The following RAPH1 variants were observed in gnomAD, a reference collection of about 807,000 sequenced individuals.
RAPH1 encodes Ras association (RalGDS/AF-6) and pleckstrin homology domains 1, also known as ras-associated and pleckstrin homology domains-containing protein 1.
RAPH1 carries 18 observed loss-of-function variants against 88.1 expected under a neutral mutation model. That is an observed-to-expected ratio of 0.20 (90% CI 0.14 to 0.30). The LOEUF (loss-of-function observed/expected upper bound fraction) is 0.30, where lower values mean the gene tolerates loss of function less well. RAPH1 is among the 10% of genes least tolerant of loss of function. The pLI is 1.00. For synonymous variants in RAPH1, 587 were observed against 559.0 expected (o/e 1.05, Z -0.71); for missense variants, 1,448 against 1,543.2 (o/e 0.94, Z 1.03).
At chr2:203,506,457 G>A (rs1235145115) in intron 1 of RAPH1, among the ~76,000 whole-genome samples, 1 of 151,740 alleles carries the variant, frequency 6.6e-6, no homozygotes, top group Non-Finnish European at 1.5e-5. Flanking sequence ...ATGAGATCTT[G>A]CAGTGAGCAG....
rs2153636528 is a variant in RAPH1, at chr2:203,448,167, T to C, written c.1513-88A>G. The C allele has an allele frequency of 3.1e-6, 4 of 1,277,182 alleles. No homozygotes were observed. Among genetic ancestry groups the C allele is most frequent in the Non-Finnish European group, 4.4e-6 (4 of 907,432 alleles). The allele number at this position is 1,277,182 out of a possible 1,614,324, so 79.1% of individuals were successfully genotyped here. A position where few individuals can be genotyped will look rare whatever the true frequency, so the allele number is the denominator to read the frequency against. On this transcript the variant is annotated intron_variant, in intron 11 of 13. Transcript: ENST00000319170. The surrounding 1 kb of genome is among the most constrained non-coding windows in gnomAD (Gnocchi z 4.1). Reference sequence around the variant, plus strand: ...GTGAAATGGGGGACATATTTCTGTTTACTGATTGATGGTCTGTATTAAAAT... The same window carrying C: ...GTGAAATGGGGGACATATTTCTGTTCACTGATTGATGGTCTGTATTAAAAT...
At chr2:203,469,517 A>G (rs1368791845) in intron 4 of RAPH1, among the ~76,000 whole-genome samples, 1 of 152,238 alleles carries the variant, frequency 6.6e-6, no homozygotes. Context: ...GACATTACCC[A>G]TAACTGTATA....
intron 12 of RAPH1, chr2:203,446,131 C>T (rs1183350449): frequency 2.6e-5 from 4 of 152,194 alleles, no homozygotes; most frequent in African/African-American, 9.7e-5. Flanking sequence ...TGATCCAGGA[C>T]ACCACGTCAC....
At chr2:203,531,320 G>A (rs1443809139) in intron 1 of RAPH1, among the ~76,000 whole-genome samples, 1 of 152,112 alleles carries the variant, frequency 6.6e-6, no homozygotes, top group African/African-American at 2.4e-5. Flanking sequence ...CGAGTCAATG[G>A]GGGCAGCAAA....
At chr2:203,481,155 G>A (rs1453712905) in intron 4 of RAPH1, among the ~76,000 whole-genome samples, 1 of 152,014 alleles carries the variant, frequency 6.6e-6, no homozygotes, top group Non-Finnish European at 1.5e-5. Context: ...TTTCTCTCCT[G>A]CCCATGTAGT....
chr2:203,515,519 C>T (rs986330060), intron 1 of RAPH1, among the ~76,000 whole-genome samples: 1 of 152,110 alleles, frequency 6.6e-6, no homozygotes, highest in African/African-American at 2.4e-5. Context: ...AAGCTGGTGT[C>T]TTTTATTGTA....
At chr2:203,507,855 G>A (rs1310383089) in intron 1 of RAPH1, among the ~76,000 whole-genome samples, 1 of 152,132 alleles carries the variant, frequency 6.6e-6, no homozygotes, top group Admixed American at 6.6e-5. Flanking sequence ...TTGAATCAAT[G>A]TTACATTTCC....
In RAPH1 at chr2:203,439,024, C is replaced by T. The variant is rs751080384; in HGVS notation, c.*413G>A. On this transcript the variant is annotated 3_prime_UTR_variant, in exon 14 of 14. Coordinates refer to ENST00000319170, the MANE Select transcript of RAPH1 (RefSeq NM_213589.3). ...TTAGTTATATAATACACAACATGCA[C>T]GAATAGGCTACACATGGACAGACAC... 6.6e-5 allele frequency: 11 copies of T among 167,446 alleles called. No homozygotes were observed. The highest frequency in any genetic ancestry group is 1.3e-4 in the Non-Finnish European group (10 of 75,826). The allele number at this position is 167,446 out of a possible 1,614,324, so 10.4% of individuals were successfully genotyped here.
chr2:203,506,075 C>T (rs1424397383), intron 1 of RAPH1, among the ~76,000 whole-genome samples: 1 of 152,124 alleles, frequency 6.6e-6, no homozygotes, highest in Non-Finnish European at 1.5e-5. Flanking sequence ...CCTACCTATT[C>T]CCCTACCAGA....
intron 1 of RAPH1, among the ~76,000 whole-genome samples, chr2:203,495,839 A>C (rs866258190): frequency 6.6e-6 from 1 of 152,198 alleles, no homozygotes; most frequent in Non-Finnish European, 1.5e-5. Context: ...AAATTTGACA[A>C]AACAAAAATC....
chr2:203,512,208 C>T (rs1340091540), intron 1 of RAPH1, among the ~76,000 whole-genome samples: 1 of 151,474 alleles, frequency 6.6e-6, no homozygotes, highest in Non-Finnish European at 1.5e-5. Flanking sequence ...GCAGGCGGAC[C>T]ACTTGAGGTC....
chr2:203,534,611 A>G (rs750018781), intron 1 of RAPH1, among the ~76,000 whole-genome samples: 24 of 148,996 alleles, frequency 1.6e-4, no homozygotes, highest in Admixed American at 4.1e-4. Context: ...GCAATTACTT[A>G]TCCTGTTTAA....
intron 4 of RAPH1, among the ~76,000 whole-genome samples, chr2:203,474,076 C>T (rs532189179): frequency 5.3e-4 from 81 of 152,220 alleles, no homozygotes; most frequent in African/African-American, 1.8e-3. Context: ...AAATTAGCGG[C>T]TTAATAAAGT....
chr2:203,474,043 C>T (rs928157218), intron 4 of RAPH1, among the ~76,000 whole-genome samples: 2 of 152,114 alleles, frequency 1.3e-5, no homozygotes, highest in African/African-American at 4.8e-5. Context: ...GGTAGGTGAG[C>T]AAGGAGACGG....
At chr2:203,505,510 G>A (rs1161491996) in intron 1 of RAPH1, among the ~76,000 whole-genome samples, 1 of 151,964 alleles carries the variant, frequency 6.6e-6, no homozygotes, top group Non-Finnish European at 1.5e-5. Context: ...GATTTGGGTG[G>A]GGACACAGCC....
At chr2:203,475,503 T>A (rs1403653365) in intron 4 of RAPH1, among the ~76,000 whole-genome samples, 2 of 152,210 alleles carry the variant, frequency 1.3e-5, no homozygotes, top group Non-Finnish European at 2.9e-5. Flanking sequence ...TCATCCCACA[T>A]TATAACACTG....
At chr2:203,445,288 C>T in intron 12 of RAPH1, 1 of 312,906 alleles carries the variant, frequency 3.2e-6, no homozygotes, top group East Asian at 5.7e-5. Context: ...ATCCTGACAC[C>T]CAGTCTTGCA....
chr2:203,455,641 G>C lies in RAPH1; in HGVS notation c.1159-61C>G, dbSNP rs1281731004. The C allele has an allele frequency of 7.3e-6, 11 of 1,502,044 alleles. No homozygotes were observed. The South Asian group carries it at 1.2e-4, about 16-fold the overall frequency. 93.0% of individuals were successfully genotyped at this position (1,502,044 alleles called of 1,614,324 possible). A position where few individuals can be genotyped will look rare whatever the true frequency, so the allele number is the denominator to read the frequency against. The stretch of plus-strand genomic sequence containing the variant: ...CGTTGGATTCTCAGAACAAAGTTGT[G>C]TTTACTCCTGTGAAATGCATGACAG... On this transcript the variant is annotated intron_variant, in intron 8 of 13. Transcript: ENST00000319170.
At chr2:203,480,253 A>G (rs563432380) in intron 4 of RAPH1, among the ~76,000 whole-genome samples, 1 of 152,348 alleles carries the variant, frequency 6.6e-6, no homozygotes, top group South Asian at 2.1e-4. Flanking sequence ...GCACATATTA[A>G]AAAGCATTGA....
Sources: gnomAD v4.1 joint callset for allele counts (sites outside exome capture counted in the v4.1 genomes callset) on GRCh38, gnomAD v4.1.1 for gene constraint, Gnocchi (gnomAD v3.1) non-coding constraint, MANE v1.5 for transcripts, NCBI Gene and HGNC (gene_info 2026-07-23, HGNC 2026-07-21) for gene names.